The following ARFGEF1 variants were observed in gnomAD, a reference collection of about 807,000 sequenced individuals.
ARFGEF1 encodes ARF guanine nucleotide exchange factor 1, also known as brefeldin A-inhibited guanine nucleotide-exchange protein 1.
Under a neutral mutation model 231.0 loss-of-function variants are expected in ARFGEF1, and 42 were observed. That is an observed-to-expected ratio of 0.18 (90% confidence interval 0.14 to 0.24). The LOEUF is 0.24. Among genes scored for constraint, ARFGEF1 ranks in the 10% least tolerant of loss-of-function variants. The probability of loss-of-function intolerance (pLI) is 1.00; values close to 1 mark genes in which losing one functional copy is unlikely to be tolerated. For missense variants in ARFGEF1, 1,345 were observed against 2,192.0 expected (o/e 0.61, Z 7.72); for synonymous variants, 710 against 732.3 (o/e 0.97, Z 0.49).
rs564054306 is a variant in ARFGEF1, at chr8:67,268,497, C to T, written c.1573-1055G>A. ...AGAGGGAGATACATCTGTTGGATAC[C>T]TCAAAAGATTGCTCATGGTTTCAAA... On this transcript the variant is annotated intron_variant, in intron 10 of 38. Transcript: ENST00000262215. Among the ~76,000 whole-genome samples the T allele has an allele frequency of 2.0e-5, 3 of 152,230 alleles. No individual in the cohort carries two copies. In the South Asian group the frequency reaches 6.2e-4, roughly 32 times the overall value.
chr8:67,275,228 G>A (rs1161012290), intron 9 of ARFGEF1, among the ~76,000 whole-genome samples: 1 of 123,542 alleles, frequency 8.1e-6, no homozygotes, highest in Non-Finnish European at 1.7e-5. Flanking sequence ...TTGTCATATT[G>A]CAATACATCA....
chr8:67,187,508 CT>C (rs1014654848), intron 5 of ARFGEF1, among the ~76,000 whole-genome samples: 5 of 152,044 alleles, frequency 3.3e-5, no homozygotes, highest in African/African-American at 1.2e-4. Context: ...AAAACAACAC[CT>C]TGTCTCTACA....
chr8:67,326,738 A>G (rs899893069), intron 1 of ARFGEF1, among the ~76,000 whole-genome samples: 2 of 152,234 alleles, frequency 1.3e-5, no homozygotes, highest in African/African-American at 2.4e-5. Context: ...AATCAACCTT[A>G]TAATGACATG....
At chr8:67,180,523 GATAC>G (rs947683349) in intron 5 of ARFGEF1, among the ~76,000 whole-genome samples, 1 of 152,060 alleles carries the variant, frequency 6.6e-6, no homozygotes, top group Admixed American at 6.6e-5. Flanking sequence ...TGCAGGGGTA[GATAC>G]ATACATGTAA....
At chr8:67,209,307 TGTGA>T (rs751686853) in intron 34 of ARFGEF1, among the ~76,000 whole-genome samples, 13 of 152,200 alleles carry the variant, frequency 8.5e-5, no homozygotes, top group Non-Finnish European at 1.5e-4. Flanking sequence ...TTGAAAACAC[TGTGA>T]GAGAAGACAG....
chr8:67,202,071 C>A (rs1474589075), intron 36 of ARFGEF1, among the ~76,000 whole-genome samples: 1 of 152,198 alleles, frequency 6.6e-6, no homozygotes, highest in Admixed American at 6.5e-5. Flanking sequence ...TAAGTACAGA[C>A]TACTCTTTCC....
At chr8:67,333,745 A>C (rs1008682755) in intron 1 of ARFGEF1, among the ~76,000 whole-genome samples, 7 of 152,166 alleles carry the variant, frequency 4.6e-5, no homozygotes, top group Non-Finnish European at 1.0e-4. Context: ...CTTTTTGAGA[A>C]CTGACATGAA....
intron 22 of ARFGEF1, among the ~76,000 whole-genome samples, chr8:67,236,368 ATATATATATATATATATATATATATATAT>A (rs1839763731): frequency 8.0e-4 from 21 of 26,222 alleles, no homozygotes; most frequent in South Asian, 3.9e-3. Flanking sequence ...AAAAAAAAAT[ATATATATATATATATATATATATATATAT>A]ATATATATAT....
At chr8:67,226,306 A>T in intron 27 of ARFGEF1, 123 bp from the exon 28 acceptor site, 1 of 893,020 alleles carries the variant, frequency 1.1e-6, no homozygotes. Context: ...CTGACATCCA[A>T]CAGATACGAA....
rs137972552 is a variant in ARFGEF1 at position 67,247,162 on chromosome 8, A to G, written c.2850+4137T>C. On this transcript the variant is annotated intron_variant, in intron 19 of 38. Coordinates refer to ENST00000262215, the MANE Select transcript of ARFGEF1 (RefSeq NM_006421.5). The stretch of plus-strand genomic sequence containing the variant: ...TGGCTTCACTGCTAAATTCTACCAA[A>G]CATGTAAAGAACTAATACGAATCCT... Among the ~76,000 whole-genome samples, 20 of 150,422 alleles carry G rather than the reference A, an allele frequency of 1.3e-4. No homozygotes were observed. The East Asian group carries it at 3.9e-3, about 29-fold the overall frequency.
At chr8:67,296,363 T>G (rs1318604810) in intron 5 of ARFGEF1, 68 bp downstream of exon 5, 1 of 1,408,402 alleles carries the variant, frequency 7.1e-7, no homozygotes, top group East Asian at 2.3e-5. Context: ...CTCTAATTAC[T>G]GTAAACTCCT....
At chr8:67,324,686 C>G (rs990872881) in intron 1 of ARFGEF1, among the ~76,000 whole-genome samples, 4 of 152,172 alleles carry the variant, frequency 2.6e-5, no homozygotes, top group Non-Finnish European at 5.9e-5. Flanking sequence ...CAAGAGATTA[C>G]AAGCTGTTGA....
In ARFGEF1 at chr8:67,202,720, T is replaced by C. The variant is rs184122136; in HGVS notation, c.5128+363A>G. On this transcript the variant is annotated intron_variant, in intron 36 of 38. Coordinates refer to ENST00000262215, the MANE Select transcript of ARFGEF1 (RefSeq NM_006421.5). Reference sequence around the variant, plus strand: ...CCACTCCCAGTAAACAGAGAAGCCATTCAAATACACATGCCAGGTTTTGTG... The same window carrying C: ...CCACTCCCAGTAAACAGAGAAGCCACTCAAATACACATGCCAGGTTTTGTG... Among the ~76,000 whole-genome samples the C allele has an allele frequency of 2.7e-4, 41 of 152,326 alleles. 1 individual carries two copies. The highest frequency in any genetic ancestry group is 9.6e-4 in the African/African-American group (40 of 41,566).
At chr8:67,210,169 A>AG (rs1563837972) in intron 34 of ARFGEF1, among the ~76,000 whole-genome samples, 2 of 148,274 alleles carry the variant, frequency 1.3e-5, no homozygotes, top group African/African-American at 2.5e-5. Context: ...AAAAAAAAAA[A>AG]AAAAAGAAAA....
intron 1 of ARFGEF1, among the ~76,000 whole-genome samples, chr8:67,341,457 G>C (rs1808624068): frequency 1.3e-5 from 2 of 151,156 alleles, no homozygotes; most frequent in South Asian, 2.1e-4. Flanking sequence ...AAATTAGCCA[G>C]GTGTGGTGGT....
Position 67,251,469 on chromosome 8 carries a change from T to TCAG in ARFGEF1, c.2699-22_2699-20dup. 1 of 1,558,006 alleles carries TCAG rather than the reference T, an allele frequency of 6.4e-7. No homozygotes were observed. Among genetic ancestry groups the TCAG allele is most frequent in the South Asian group, 1.2e-5 (1 of 82,548 alleles). On this transcript the variant is annotated intron_variant, in intron 18 of 38. Transcript: ENST00000262215. ...GCTACATCTGAAACAATAAACACTA[T>TCAG]CAGCATTTTAAATATAAAACATTTA... is the stretch of plus-strand genomic sequence containing the variant.
intron 22 of ARFGEF1, among the ~76,000 whole-genome samples, chr8:67,234,381 G>C (rs943443942): frequency 6.6e-6 from 1 of 152,134 alleles, no homozygotes; most frequent in Non-Finnish European, 1.5e-5. Context: ...ATAGGGACAA[G>C]AACAGGGTGT....
At chr8:67,313,905 G>A (rs979449044) in intron 1 of ARFGEF1, among the ~76,000 whole-genome samples, 12 of 152,110 alleles carry the variant, frequency 7.9e-5, no homozygotes, top group African/African-American at 2.9e-4. Flanking sequence ...GGCTAGGTGG[G>A]TCTGAGCTCA....
Position 67,203,065 on chromosome 8 carries a change from G to A in ARFGEF1, c.5128+18C>T, listed in dbSNP as rs1277656942. The A allele has an allele frequency of 1.2e-6, 2 of 1,603,634 alleles. No individual in the cohort carries two copies. Among genetic ancestry groups the A allele is most frequent in the East Asian group, 2.2e-5 (1 of 44,856 alleles). ...TCCATCAACAGTAAACATTAAATGT[G>A]AGGCGTGTGCAGCTTACCTGCTTTC... is the stretch of plus-strand genomic sequence containing the variant. On this transcript the variant is annotated intron_variant, in intron 36 of 38. Transcript: ENST00000262215.
Sources: allele counts gnomAD v4.1 joint callset (sites outside exome capture counted in the v4.1 genomes callset), GRCh38; gene constraint gnomAD v4.1.1; transcripts MANE v1.5; gene names NCBI Gene and HGNC (gene_info 2026-07-23, HGNC 2026-07-21).